SLC12A3: variants seen among roughly 807,000 people sequenced by gnomAD.
The protein encoded by SLC12A3 is solute carrier family 12 member 3.
Under a neutral mutation model 121.0 loss-of-function variants are expected in SLC12A3, and 104 were observed. That is an observed-to-expected ratio of 0.86 (90% CI 0.73 to 1.01). The LOEUF (loss-of-function observed/expected upper bound fraction) is 1.01, where lower values mean the gene tolerates loss of function less well. Ranked by LOEUF, SLC12A3 falls within the 50% of genes least tolerant of loss-of-function variation. The pLI is 0.00. For synonymous variants in SLC12A3, 536 were observed against 533.4 expected (o/e 1.00, Z -0.07); for missense variants, 1,328 against 1,356.3 (o/e 0.98, Z 0.33).
chr16:56,909,798 A>G (rs2055659892), intron 25 of SLC12A3, among the ~76,000 whole-genome samples: 1 of 151,802 alleles, frequency 6.6e-6, no homozygotes, highest in South Asian at 2.1e-4. Context: ...AGGAAGGGAA[A>G]AAAAAAAAAT....
intron 1 of SLC12A3, among the ~76,000 whole-genome samples, chr16:56,865,981 CTTTTCTTTTCT>C (rs372758512): frequency 0.015 from 1,463 of 100,598 alleles, 10 homozygotes; most frequent in Middle Eastern, 0.044. Context: ...CTTTTCTTTT[CTTTTCTTTTCT>C]TTTTTTTTTT....
At chr16:56,902,531 G>GGGGGGGGGGCCCC in intron 24 of SLC12A3, 23 bp downstream of exon 24, 2 of 714,552 alleles carry the variant, frequency 2.8e-6, no homozygotes, top group African/African-American at 1.8e-5. Flanking sequence ...GTGGGGGTGG[G>GGGGGGGGGGCCCC]AAACGCGACA....
chr16:56,870,181 GGGTGTGGCCA>G lies in SLC12A3; in HGVS notation c.688_697del (p.Gly230CysfsTer69), dbSNP rs1247278830. ...TCATTTTCGCTTTCGCCAATGCCGTGGGTGTGGCCATGCACACGGTGGGCTTTGCAGAGAC... is the reference window on the plus strand; with the variant it reads ...TCATTTTCGCTTTCGCCAATGCCGTGTGCACACGGTGGGCTTTGCAGAGAC... On this transcript the variant is annotated frameshift_variant, in exon 5 of 26. Coordinates refer to ENST00000563236, the MANE Select transcript of SLC12A3 (RefSeq NM_001126108.2). LOFTEE classifies it high-confidence loss of function. The G allele has an allele frequency of 4.3e-6, 7 of 1,614,048 alleles. No homozygotes were observed. Among genetic ancestry groups the G allele is most frequent in the Non-Finnish European group, 5.9e-6 (7 of 1,180,040 alleles).
intron 13 of SLC12A3, 76 bp from the exon 14 acceptor site, chr16:56,883,973 G>A: frequency 6.5e-7 from 1 of 1,541,284 alleles, no homozygotes; most frequent in African/African-American, 1.4e-5. Context: ...ATTACTGCCA[G>A]GCCCTGCCCA....
At chr16:56,897,008 T>C (rs34589259) in intron 22 of SLC12A3, among the ~76,000 whole-genome samples, 41,733 of 151,680 alleles carry the variant, frequency 0.28, 6,629 homozygotes, top group African/African-American at 0.45. Flanking sequence ...AGGAGGATTA[T>C]TTACACCTGG....
At chr16:56,902,616 C>G in intron 24 of SLC12A3, 108 bp downstream of exon 24, 1 of 1,376,966 alleles carries the variant, frequency 7.3e-7, no homozygotes, top group Non-Finnish European at 1.0e-6. Context: ...TCCACCCTGC[C>G]TTCCACTCCG....
rs779794139 is a variant in SLC12A3, at chr16:56,894,573, G to A, written c.2564G>A (p.Arg855Lys). ...LIPYLLGRKRRWSKCKIRVFV... is the reference protein window; with the variant it reads ...LIPYLLGRKRKWSKCKIRVFV... ...CCCTATCTCCTTGGCCGCAAGAGGAGGTGGAGCAAATGCAAGATCCGTGTG... is the reference window on the plus strand; with the variant it reads ...CCCTATCTCCTTGGCCGCAAGAGGAAGTGGAGCAAATGCAAGATCCGTGTG... The change falls in exon 22 of 26, where the codon AGG (arginine) becomes AAG (lysine). Residue 855 changes from arginine (R) to lysine (K), a missense_variant. By Grantham distance (26) the Arg-to-Lys change is conservative. Transcript: ENST00000563236. 5 of 1,614,020 alleles carry A rather than the reference G, an allele frequency of 3.1e-6. No homozygotes were observed. The East Asian group carries it at 8.9e-5, about 29-fold the overall frequency.
rs560524489 is a variant in SLC12A3, at chr16:56,884,643, C to T, written c.1825+439C>T. 4.1e-4 allele frequency among the ~76,000 whole-genome samples: 62 copies of T among 152,290 alleles called. 2 individuals carry two copies. The highest frequency in any genetic ancestry group is 5.3e-4 in the African/African-American group (22 of 41,552). Reference sequence around the variant, plus strand: ...GCAGGCAGGGACCCTGGGGTGGCAGCGACCTGAGGGCAGGAAACAGGACTC... The same window carrying T: ...GCAGGCAGGGACCCTGGGGTGGCAGTGACCTGAGGGCAGGAAACAGGACTC... On this transcript the variant is annotated intron_variant, in intron 14 of 25. Transcript: ENST00000563236.
chr16:56,887,115 C>G (rs1177852413), intron 17 of SLC12A3, 22 bp downstream of exon 17: 1 of 1,613,670 alleles, frequency 6.2e-7, no homozygotes, highest in East Asian at 2.2e-5. Context: ...TGGGGGCTCC[C>G]CTACAGGACT....
chr16:56,872,601 C>T (rs2089474674), intron 7 of SLC12A3, 55 bp from the exon 8 acceptor site: 1 of 1,613,628 alleles, frequency 6.2e-7, no homozygotes, highest in Non-Finnish European at 8.5e-7. Context: ...TGGGTCCCAG[C>T]AAGGGGGGTC....
chr16:56,898,181 G>T (rs1268694985), intron 22 of SLC12A3, among the ~76,000 whole-genome samples: 1 of 152,208 alleles, frequency 6.6e-6, no homozygotes, highest in Non-Finnish European at 1.5e-5. Flanking sequence ...CTTCCCAGGG[G>T]TTCTGACTCA....
intron 6 of SLC12A3, 145 bp downstream of exon 6, chr16:56,870,881 C>G: frequency 1.6e-6 from 1 of 606,418 alleles, no homozygotes; most frequent in Non-Finnish European, 2.9e-6. Flanking sequence ...GATGTCCATG[C>G]TGGAGTGCAG....
chr16:56,889,190 C>T (rs1249208420), intron 18 of SLC12A3, among the ~76,000 whole-genome samples: 2 of 152,192 alleles, frequency 1.3e-5, no homozygotes, highest in African/African-American at 2.4e-5. Flanking sequence ...ATGCTGTTAA[C>T]CAGCTGTAGG....
Position 56,905,138 on chromosome 16 carries a change from G to A in SLC12A3, c.2924+676G>A, listed in dbSNP as rs189284061. On this transcript the variant is annotated intron_variant, in intron 25 of 25. Transcript: ENST00000563236. ...GCAGATCACCTGAGGTCGGGAGGTCGAGACCAGCCTGACCAACATGGAGAA... is the reference window on the plus strand; with the variant it reads ...GCAGATCACCTGAGGTCGGGAGGTCAAGACCAGCCTGACCAACATGGAGAA... Among the ~76,000 whole-genome samples, 1,018 of 152,106 alleles carry A rather than the reference G, an allele frequency of 6.7e-3. 14 individuals are homozygous for A. The highest frequency in any genetic ancestry group is 0.023 in the African/African-American group (951 of 41,470).
Position 56,877,119 on chromosome 16 carries a change from C to T in SLC12A3, c.1096-958C>T, listed in dbSNP as rs552818896. On this transcript the variant is annotated intron_variant, in intron 8 of 25. Coordinates refer to ENST00000563236, the MANE Select transcript of SLC12A3 (RefSeq NM_001126108.2). ...TTAAGAAAATACGAGCGGCCGGGCG[C>T]GGGGGCTCACGCCTGTAATCCCAGC... Among the ~76,000 whole-genome samples the T allele has an allele frequency of 2.6e-4, 40 of 152,282 alleles. No individual in the cohort carries two copies. In the East Asian group the frequency reaches 2.9e-3, roughly 11 times the overall value.
intron 24 of SLC12A3, 23 bp downstream of exon 24, chr16:56,902,531 G>GTGGGGGGGGGGGGGGCC: frequency 1.4e-6 from 1 of 714,568 alleles, no homozygotes; most frequent in East Asian, 4.1e-5. Context: ...GTGGGGGTGG[G>GTGGGGGGGGGGGGGGCC]AAACGCGACA....
chr16:56,882,258 T>C (rs531809851), intron 12 of SLC12A3, 138 bp from the exon 13 acceptor site: 13 of 741,838 alleles, frequency 1.8e-5, no homozygotes, highest in Non-Finnish European at 3.0e-5. Context: ...GGTGGACCCA[T>C]TTCACAGATG....
chr16:56,887,056 C>G lies in SLC12A3; in HGVS notation c.2141C>G (p.Ala714Gly). ...AAGGCCTTCTACTCGGATGTCATTGCCGAGGACCTCCGCAGAGGCGTCCAG... is the reference window on the plus strand; with the variant it reads ...AAGGCCTTCTACTCGGATGTCATTGGCGAGGACCTCCGCAGAGGCGTCCAG... ...KIKAFYSDVI[A>G]EDLRRGVQIL... is the part of the protein sequence containing the mutation. The change falls in exon 17 of 26, where the codon GCC (alanine) becomes GGC (glycine). Residue 714 changes from alanine to glycine, a missense_variant. By Grantham distance (60) the Ala-to-Gly change is moderately conservative. Coordinates refer to ENST00000563236, the MANE Select transcript of SLC12A3 (RefSeq NM_001126108.2). 2 of 1,614,046 alleles carry G rather than the reference C, an allele frequency of 1.2e-6. No individual in the cohort carries two copies. The highest frequency in any genetic ancestry group is 1.7e-6 in the Non-Finnish European group (2 of 1,180,042).
In SLC12A3 at chr16:56,913,549, G is replaced by A; in HGVS notation, c.*144G>A. On this transcript the variant is annotated 3_prime_UTR_variant, in exon 26 of 26. Transcript: ENST00000563236. ...GATGATCTCACCGAAAAAGATGGTA[G>A]ATTTCCAAATCTGGCTGGACTCCAC... The A allele has an allele frequency of 1.1e-6, 1 of 886,090 alleles. No homozygotes were observed. The highest frequency in any genetic ancestry group is 1.9e-6 in the Non-Finnish European group (1 of 530,378). The allele number at this position is 886,090 out of a possible 1,614,324, so 54.9% of individuals were successfully genotyped here.
Sources: gnomAD v4.1 joint callset for allele counts (sites outside exome capture counted in the v4.1 genomes callset) on GRCh38, gnomAD v4.1.1 for gene constraint, MANE v1.5 for transcripts, NCBI Gene and HGNC (gene_info 2026-07-23, HGNC 2026-07-21) for gene names.